The following GUF1 variants were observed in gnomAD, a reference collection of about 807,000 sequenced individuals.
The protein encoded by GUF1 is GTP binding elongation factor GUF1.
GUF1 carries 78 observed loss-of-function variants against 82.4 expected under a neutral mutation model. That is an observed-to-expected ratio of 0.95 (90% CI 0.79 to 1.14). GUF1 has a LOEUF of 1.14. GUF1 is among the 50% of genes most tolerant of loss of function. The pLI, the probability that GUF1 is intolerant of heterozygous loss-of-function variation, is 0.00. For synonymous variants in GUF1, 279 were observed against 282.3 expected, an observed-to-expected ratio of 0.99 and a Z score of 0.12; for missense variants, 814 against 798.2, an observed-to-expected ratio of 1.02 and a Z score of -0.24.
Position 44,678,771 on chromosome 4 carries a change from G to GCTCCGC in GUF1, c.150_155dup (p.Ser51_Ala52dup), listed in dbSNP as rs763310006. The GCTCCGC allele has an allele frequency of 6.4e-7, 1 of 1,553,992 alleles. No homozygotes were observed. The highest frequency in any genetic ancestry group is 1.4e-5 in the African/African-American group (1 of 70,108). The stretch of plus-strand genomic sequence containing the variant: ...TCCTGGGCTACCGACAGGCTCTACA[G>GCTCCGC]CTCCGCAGAATTCAAGGTGACTGCC... On this transcript the variant is annotated inframe_insertion, in exon 1 of 17. Coordinates refer to ENST00000281543, the MANE Select transcript of GUF1 (RefSeq NM_021927.3).
chr4:44,681,288 A>G (rs2109631889), intron 4 of GUF1, 85 bp downstream of exon 4: 1 of 1,008,972 alleles, frequency 9.9e-7, no homozygotes, highest in South Asian at 1.4e-5. Context: ...TGTTTTGGAA[A>G]TAGAATTTTT....
In GUF1 at chr4:44,678,692, C is replaced by T. The variant is rs1194673912; in HGVS notation, c.70C>T (p.Leu24Phe). Reference sequence around the variant, plus strand: ...CGCGCCACGAGCCACTGGGGCCGCGCTTCTGGTGGCCCCGGGGCCCCGGTC... The same window carrying T: ...CGCGCCACGAGCCACTGGGGCCGCGTTTCTGGTGGCCCCGGGGCCCCGGTC... ...ALAPRATGAALLVAPGPRSAP... is the reference protein window; with the variant it reads ...ALAPRATGAAFLVAPGPRSAP... The change falls in exon 1 of 17, where the codon CTT becomes TTT. Residue 24 changes from leucine (L) to phenylalanine (F), a missense_variant. By Grantham distance (22) the Leu-to-Phe change is conservative. Coordinates refer to ENST00000281543, the MANE Select transcript of GUF1 (RefSeq NM_021927.3). 11 of 1,504,784 alleles carry T rather than the reference C, an allele frequency of 7.3e-6. No homozygotes were observed. The highest frequency in any genetic ancestry group is 1.8e-4 in the Middle Eastern group (1 of 5,614). The allele number at this position is 1,504,784 out of a possible 1,614,324, so 93.2% of individuals were successfully genotyped here. A position where few individuals can be genotyped will look rare whatever the true frequency, so the allele number is the denominator to read the frequency against.
In GUF1 at chr4:44,683,273, C is replaced by A. The variant is rs1714871608; in HGVS notation, c.624C>A (p.Asn208Lys). 2 of 1,585,100 alleles carry A rather than the reference C, an allele frequency of 1.3e-6. No homozygotes were observed. The highest frequency in any genetic ancestry group is 1.2e-5 in the South Asian group (1 of 86,202). ...LKNADPERVE[N>K]QIEKVFDIPS... ...ATGCTGATCCTGAAAGGGTTGAAAACCAAATTGAGAAAGTGTTTGATATTC... is the reference window on the plus strand; with the variant it reads ...ATGCTGATCCTGAAAGGGTTGAAAAACAAATTGAGAAAGTGTTTGATATTC... Residue 208 changes from asparagine to lysine, a missense_variant, in exon 6 of 17, where the codon AAC becomes AAA. Physicochemically the swap from Asn to Lys is moderately conservative, Grantham distance 94. Coordinates refer to ENST00000281543, the MANE Select transcript of GUF1 (RefSeq NM_021927.3).
At chr4:44,691,021 T>C (rs1024704405) in intron 12 of GUF1, among the ~76,000 whole-genome samples, 161 bp downstream of exon 12, 1 of 151,708 alleles carries the variant, frequency 6.6e-6, no homozygotes, top group Admixed American at 6.6e-5. Flanking sequence ...ATATGTATAC[T>C]TTTTAAATTA....
intron 1 of GUF1, 82 bp downstream of exon 1, chr4:44,678,869 T>C: frequency 2.9e-6 from 4 of 1,368,252 alleles, no homozygotes; most frequent in Non-Finnish European, 3.9e-6. Flanking sequence ...TATAGGGCTT[T>C]CTGGGACTAG....
chr4:44,684,856 T>C (rs1714960495), intron 6 of GUF1, among the ~76,000 whole-genome samples: 1 of 152,168 alleles, frequency 6.6e-6, no homozygotes, highest in South Asian at 2.1e-4. Flanking sequence ...ATAGGCAAGA[T>C]AGCTTGTTGT....
At chr4:44,692,180 A>G (rs1206465310) in intron 13 of GUF1, among the ~76,000 whole-genome samples, 1 of 151,902 alleles carries the variant, frequency 6.6e-6, no homozygotes, top group Admixed American at 6.6e-5. Flanking sequence ...ATCTATTTAC[A>G]TTTGAAAAAT....
chr4:44,682,143 T>G lies in GUF1; in HGVS notation c.508-191T>G, dbSNP rs1714805543. Reference sequence around the variant, plus strand: ...TGATTATTGCTTTACCATCAGCGATTTTCATATTGACCCCAAAGACATAAG... The same window carrying G: ...TGATTATTGCTTTACCATCAGCGATGTTCATATTGACCCCAAAGACATAAG... On this transcript the variant is annotated intron_variant, in intron 4 of 16. Transcript: ENST00000281543. 5 of 376,168 alleles carry G rather than the reference T, an allele frequency of 1.3e-5. No homozygotes were observed. In the South Asian group the frequency reaches 3.2e-4, roughly 24 times the overall value. 23.3% of individuals were successfully genotyped at this position (376,168 alleles called of 1,614,324 possible).
intron 6 of GUF1, among the ~76,000 whole-genome samples, chr4:44,684,945 G>GA (rs1439668627): frequency 2.6e-5 from 4 of 152,048 alleles, no homozygotes; most frequent in Admixed American, 6.5e-5. Context: ...TATGGGCATA[G>GA]AAAAAACACA....
At chr4:44,678,874 G>A (rs1415392045) in intron 1 of GUF1, 87 bp downstream of exon 1, 22 of 1,328,468 alleles carry the variant, frequency 1.7e-5, no homozygotes, top group Non-Finnish European at 1.9e-5. Context: ...GGCTTTCTGG[G>A]ACTAGCTCTG....
intron 11 of GUF1, among the ~76,000 whole-genome samples, chr4:44,690,307 T>C (rs1715351623): frequency 6.6e-6 from 1 of 151,830 alleles, no homozygotes; most frequent in Non-Finnish European, 1.5e-5. Context: ...AATGTAATTT[T>C]GGTCATAAGT....
At chr4:44,695,881 TTAAG>T (rs1560349587) in intron 15 of GUF1, 147 bp downstream of exon 15, 1 of 747,004 alleles carries the variant, frequency 1.3e-6, no homozygotes, top group African/African-American at 1.8e-5. Context: ...GTTTTCTGAT[TTAAG>T]TAATGACTGT....
At chr4:44,697,283 A>G (rs969601671) in intron 15 of GUF1, 125 bp from the exon 16 acceptor site, 12 of 474,594 alleles carry the variant, frequency 2.5e-5, no homozygotes, top group Non-Finnish European at 4.2e-5. Context: ...GCTTATGGCA[A>G]TTTTACATAG....
Position 44,682,424 on chromosome 4 carries a change from A to G in GUF1, c.585+13A>G, listed in dbSNP as rs753981129. 10 of 1,410,714 alleles carry G rather than the reference A, an allele frequency of 7.1e-6. No individual in the cohort carries two copies. The South Asian group carries it at 1.3e-4, about 18-fold the overall frequency. The allele number at this position is 1,410,714 out of a possible 1,614,324, so 87.4% of individuals were successfully genotyped here. On this transcript the variant is annotated intron_variant, in intron 5 of 16. Transcript: ENST00000281543. ...AGTTATAAATAAGGTAATTACAATG[A>G]GACAACAGTGTTGCTATTTCACTTT...
intron 15 of GUF1, among the ~76,000 whole-genome samples, chr4:44,696,352 T>C (rs1715826657): frequency 6.6e-6 from 1 of 152,192 alleles, no homozygotes; most frequent in Non-Finnish European, 1.5e-5. Flanking sequence ...TGATCCCAAC[T>C]ACTTGGGAGG....
At chr4:44,683,172 C>A in intron 5 of GUF1, 63 bp from the exon 6 acceptor site, 3 of 1,017,156 alleles carry the variant, frequency 2.9e-6, no homozygotes, top group Non-Finnish European at 2.9e-6. Flanking sequence ...CCTCCGAATA[C>A]TGTTAATACA....
At chr4:44,679,586 A>T (rs1042199022) in intron 1 of GUF1, among the ~76,000 whole-genome samples, 4 of 152,212 alleles carry the variant, frequency 2.6e-5, no homozygotes, top group African/African-American at 9.6e-5. Context: ...TTTGAACTGA[A>T]GGGAAAGAAA....
intron 11 of GUF1, 89 bp downstream of exon 11, chr4:44,690,064 C>T: frequency 3.3e-6 from 3 of 917,332 alleles, no homozygotes; most frequent in Non-Finnish European, 4.6e-6. Context: ...GCAGGAGAAG[C>T]TTTTTACTAT....
chr4:44,691,135 C>T (rs537162496), intron 12 of GUF1, among the ~76,000 whole-genome samples: 5 of 151,550 alleles, frequency 3.3e-5, no homozygotes, highest in East Asian at 3.9e-4. Context: ...TGTATAATTT[C>T]GCCTTTTTGA....
Sources: allele counts gnomAD v4.1 joint callset (sites outside exome capture counted in the v4.1 genomes callset), GRCh38; gene constraint gnomAD v4.1.1; transcripts MANE v1.5; gene names NCBI Gene and HGNC (gene_info 2026-07-23, HGNC 2026-07-21).